KCNQ3: variants seen among roughly 807,000 people sequenced by gnomAD.
KCNQ3 encodes potassium voltage-gated channel subfamily KQT member 3.
KCNQ3 carries 30 observed loss-of-function variants against 92.5 expected under a neutral mutation model. The ratio of observed to expected loss-of-function variants is 0.32; its 90% confidence interval spans 0.24 to 0.44. The LOEUF (loss-of-function observed/expected upper bound fraction) is 0.44, where lower values mean the gene tolerates loss of function less well. Ranked by LOEUF, KCNQ3 falls within the 20% of genes least tolerant of loss-of-function variation. The probability of loss-of-function intolerance (pLI) is 1.00; values close to 1 mark genes in which losing one functional copy is unlikely to be tolerated. For synonymous variants in KCNQ3, 450 were observed against 468.8 expected, an observed-to-expected ratio of 0.96 and a Z score of 0.52; for missense variants, 913 against 1,140.3, an observed-to-expected ratio of 0.80 and a Z score of 2.87.
At chr8:132,144,015 T>C (rs983091310) in intron 9 of KCNQ3, among the ~76,000 whole-genome samples, 2 of 152,222 alleles carry the variant, frequency 1.3e-5, no homozygotes, top group African/African-American at 4.8e-5. Flanking sequence ...TTTTCCTGAA[T>C]TGAAGTTTCA....
intron 1 of KCNQ3, among the ~76,000 whole-genome samples, chr8:132,446,247 A>G (rs1226913595): frequency 1.3e-5 from 2 of 152,198 alleles, no homozygotes; most frequent in African/African-American, 4.8e-5. Context: ...TCTAAAGACA[A>G]TGCCTTCGTG....
chr8:132,361,466 T>C (rs527582629), intron 1 of KCNQ3, among the ~76,000 whole-genome samples: 127 of 152,316 alleles, frequency 8.3e-4, no homozygotes, highest in African/African-American at 3.0e-3. Flanking sequence ...TTTCTCAGAG[T>C]GAGGACTTGC....
At position 132,247,882 on chromosome 8, in the gene KCNQ3, C is replaced by T. The variant is rs551144828; in HGVS notation, c.387-61701G>A. On this transcript the variant is annotated intron_variant, in intron 1 of 14. Coordinates refer to ENST00000388996, the MANE Select transcript of KCNQ3 (RefSeq NM_004519.4). Reference sequence around the variant, plus strand: ...TGAAGTTAGCAGTAACAAACACTTACGTATCACTTACCAGGTGCCAAGCAC... The same window carrying T: ...TGAAGTTAGCAGTAACAAACACTTATGTATCACTTACCAGGTGCCAAGCAC... Among the ~76,000 whole-genome samples the T allele has an allele frequency of 6.6e-5, 10 of 152,126 alleles. No individual in the cohort carries two copies. The South Asian group carries it at 2.1e-3, about 32-fold the overall frequency.
At chr8:132,229,824 T>C (rs187200333) in intron 1 of KCNQ3, among the ~76,000 whole-genome samples, 31 of 151,800 alleles carry the variant, frequency 2.0e-4, no homozygotes, top group Admixed American at 1.2e-3. Context: ...ACATAACAGG[T>C]GGAGAGAAGC....
At chr8:132,150,835 T>G (rs1480754260) in intron 9 of KCNQ3, among the ~76,000 whole-genome samples, 7 of 151,972 alleles carry the variant, frequency 4.6e-5, no homozygotes, top group Non-Finnish European at 1.0e-4. Flanking sequence ...ATATATGTGT[T>G]GTGTGTGTGT....
At chr8:132,300,632 G>T (rs1035264189) in intron 1 of KCNQ3, among the ~76,000 whole-genome samples, 1 of 152,184 alleles carries the variant, frequency 6.6e-6, no homozygotes, top group African/African-American at 2.4e-5. Flanking sequence ...GCCCTAGCAG[G>T]TGAGGAATAG....
intron 1 of KCNQ3, among the ~76,000 whole-genome samples, chr8:132,327,172 T>C (rs1818082767): frequency 6.6e-6 from 1 of 152,208 alleles, no homozygotes; most frequent in Non-Finnish European, 1.5e-5. Context: ...GACAAATTTG[T>C]TCCCTGTTTT....
chr8:132,312,991 C>T (rs1401539716), intron 1 of KCNQ3, among the ~76,000 whole-genome samples: 2 of 152,186 alleles, frequency 1.3e-5, no homozygotes, highest in African/African-American at 4.8e-5. Context: ...GTCTGTGAGG[C>T]TCTGGGACCT....
At chr8:132,235,692 A>G (rs1165978172) in intron 1 of KCNQ3, among the ~76,000 whole-genome samples, 1 of 152,088 alleles carries the variant, frequency 6.6e-6, no homozygotes, top group Non-Finnish European at 1.5e-5. Flanking sequence ...CCCTGAACAC[A>G]CCATATAACC....
intron 8 of KCNQ3, among the ~76,000 whole-genome samples, chr8:132,165,753 G>A (rs574155792): frequency 1.5e-4 from 23 of 152,312 alleles, no homozygotes; most frequent in African/African-American, 5.5e-4. Context: ...CAAGACCTGA[G>A]TTCCAATCTT....
intron 1 of KCNQ3, among the ~76,000 whole-genome samples, chr8:132,417,878 G>A (rs1820861445): frequency 1.3e-5 from 2 of 152,164 alleles, no homozygotes; most frequent in Admixed American, 1.3e-4. Flanking sequence ...CTTTCTGTTG[G>A]CCTTGGAGTT....
intron 1 of KCNQ3, among the ~76,000 whole-genome samples, chr8:132,232,405 T>C (rs1814672694): frequency 6.6e-6 from 1 of 152,242 alleles, no homozygotes; most frequent in East Asian, 1.9e-4. Context: ...TTGATAATTT[T>C]ATGCTTTCTT....
intron 1 of KCNQ3, among the ~76,000 whole-genome samples, chr8:132,249,157 A>G (rs1815300447): frequency 6.6e-6 from 1 of 152,144 alleles, no homozygotes; most frequent in Admixed American, 6.5e-5. Flanking sequence ...GAGCAGCAAC[A>G]AGATTTATTG....
rs183196547 is a variant in KCNQ3, at chr8:132,418,088, A to C, written c.386+62059T>G. ...GGATTGGATCAGGGACACGACACTTAGCATGCTGGCACTGTGATTGGGAAT... is the reference window on the plus strand; with the variant it reads ...GGATTGGATCAGGGACACGACACTTCGCATGCTGGCACTGTGATTGGGAAT... On this transcript the variant is annotated intron_variant, in intron 1 of 14. Transcript: ENST00000388996. Among the ~76,000 whole-genome samples the C allele has an allele frequency of 3.5e-4, 54 of 152,314 alleles. No individual in the cohort carries two copies. The East Asian group carries it at 8.5e-3, about 24-fold the overall frequency.
intron 1 of KCNQ3, among the ~76,000 whole-genome samples, chr8:132,250,337 C>T (rs1026911347): frequency 6.6e-6 from 1 of 152,166 alleles, no homozygotes; most frequent in African/African-American, 2.4e-5. Context: ...CCTCTGGACT[C>T]AACCTGGCTG....
intron 1 of KCNQ3, among the ~76,000 whole-genome samples, chr8:132,457,237 C>CCTGCCCCATGAGGAA (rs1298842798): frequency 2.6e-5 from 4 of 152,234 alleles, no homozygotes; most frequent in African/African-American, 9.6e-5. Flanking sequence ...GTGTGACGTT[C>CCTGCCCCATGAGGAA]CTGCCCCATG....
At chr8:132,456,798 G>A (rs1362426415) in intron 1 of KCNQ3, among the ~76,000 whole-genome samples, 1 of 152,008 alleles carries the variant, frequency 6.6e-6, no homozygotes, top group Non-Finnish European at 1.5e-5. Flanking sequence ...ATTTTTAATA[G>A]AGACGGGGTT....
At chr8:132,158,468 C>T (rs745508946) in intron 9 of KCNQ3, among the ~76,000 whole-genome samples, 3 of 152,168 alleles carry the variant, frequency 2.0e-5, no homozygotes, top group African/African-American at 2.4e-5. Flanking sequence ...CTATAGCCTC[C>T]TCCTGTGTCA....
chr8:132,443,640 G>A (rs889455138), intron 1 of KCNQ3, among the ~76,000 whole-genome samples: 14 of 152,084 alleles, frequency 9.2e-5, no homozygotes, highest in Admixed American at 3.9e-4. Flanking sequence ...TGCTTATTTC[G>A]AAAAGCTTCA....
Sources: allele counts gnomAD v4.1 joint callset (sites outside exome capture counted in the v4.1 genomes callset), GRCh38; gene constraint gnomAD v4.1.1; transcripts MANE v1.5; gene names NCBI Gene and HGNC (gene_info 2026-07-23, HGNC 2026-07-21).